The following GNAL variants were observed in gnomAD, a reference collection of about 807,000 sequenced individuals.
GNAL encodes G protein subunit alpha L.
GNAL carries 18 observed loss-of-function variants against 55.1 expected under a neutral mutation model. The ratio of observed to expected loss-of-function variants is 0.33; its 90% confidence interval spans 0.23 to 0.48. GNAL has a LOEUF of 0.48. Ranked by LOEUF, GNAL falls within the 20% of genes least tolerant of loss-of-function variation. GNAL has a pLI of 0.99. For missense variants in GNAL, 412 were observed against 614.1 expected (o/e 0.67, Z 3.48); for synonymous variants, 253 against 237.0 (o/e 1.07, Z -0.62).
chr18:11,854,749 C>G (rs1232926802), intron 5 of GNAL, among the ~76,000 whole-genome samples: 1 of 151,916 alleles, frequency 6.6e-6, no homozygotes, highest in Non-Finnish European at 1.5e-5. Context: ...CCATTGCACT[C>G]TAGCCTGCGC....
At position 11,830,505 on chromosome 18, in the gene GNAL, T is replaced by G. The variant is rs181907615; in HGVS notation, c.722+5490T>G. ...CCATGGCAGGAGTCATGGGAGTCTT[T>G]TGGGCTTCTCAGTGATGCTGAAATT... On this transcript the variant is annotated intron_variant, in intron 5 of 11. Transcript: ENST00000334049. Among the ~76,000 whole-genome samples, 315 of 152,218 alleles carry G rather than the reference T, an allele frequency of 2.1e-3. 1 individual carries two copies. The highest frequency in any genetic ancestry group is 7.4e-3 in the African/African-American group (306 of 41,522).
At chr18:11,759,501 G>A (rs2033169021) in intron 4 of GNAL, among the ~76,000 whole-genome samples, 1 of 152,238 alleles carries the variant, frequency 6.6e-6, no homozygotes, top group African/African-American at 2.4e-5. Context: ...CTTCCTCCCA[G>A]GTGAGAGCTA....
rs954717064 is a variant in GNAL at position 11,872,416 on chromosome 18, A to T, written c.1162+18A>T. 1 of 1,473,792 alleles carries T rather than the reference A, an allele frequency of 6.8e-7. No individual in the cohort carries two copies. Among genetic ancestry groups the T allele is most frequent in the East Asian group, 2.4e-5 (1 of 42,384 alleles). 91.3% of individuals were successfully genotyped at this position (1,473,792 alleles called of 1,614,324 possible). A position where few individuals can be genotyped will look rare whatever the true frequency, so the allele number is the denominator to read the frequency against. ...TGAAGACGGTAAGATTTCAAAACAC[A>T]TTCTTATGATTGAGGAATAGAATTG... is the stretch of plus-strand genomic sequence containing the variant. On this transcript the variant is annotated intron_variant, in intron 10 of 11. Transcript: ENST00000334049.
chr18:11,829,221 C>G (rs766686517), intron 5 of GNAL, among the ~76,000 whole-genome samples: 9 of 152,228 alleles, frequency 5.9e-5, no homozygotes, highest in African/African-American at 9.6e-5. Context: ...CTGGGCCTGA[C>G]AGAATTACAG....
intron 11 of GNAL, among the ~76,000 whole-genome samples, chr18:11,877,178 G>T (rs2036550859): frequency 6.6e-6 from 1 of 152,216 alleles, no homozygotes; most frequent in Non-Finnish European, 1.5e-5. Context: ...CTCAGGCCGG[G>T]TGCGGTGGCT....
At chr18:11,765,031 A>C (rs2033361492) in intron 4 of GNAL, among the ~76,000 whole-genome samples, 3 of 152,222 alleles carry the variant, frequency 2.0e-5, no homozygotes, top group African/African-American at 7.2e-5. Flanking sequence ...ATACCTGATG[A>C]AAAAACAATT....
intron 1 of GNAL, among the ~76,000 whole-genome samples, chr18:11,705,641 T>C (rs2143338613): frequency 6.6e-6 from 1 of 152,300 alleles, no homozygotes; most frequent in Admixed American, 6.5e-5. Flanking sequence ...TTTTTGATAA[T>C]GGCCATCCTA....
intron 1 of GNAL, among the ~76,000 whole-genome samples, chr18:11,731,545 T>C (rs958947532): frequency 6.6e-6 from 1 of 152,242 alleles, no homozygotes; most frequent in Non-Finnish European, 1.5e-5. Context: ...TAGTTTACGA[T>C]AGGTCGAATA....
chr18:11,868,763 A>C lies in GNAL; in HGVS notation c.1031+100A>C. 209 of 955,300 alleles carry C rather than the reference A, an allele frequency of 2.2e-4. No homozygotes were observed. Among genetic ancestry groups the C allele is most frequent in the Non-Finnish European group, 3.0e-4 (194 of 643,038 alleles). 59.2% of individuals were successfully genotyped at this position (955,300 alleles called of 1,614,324 possible). ...CGTTGTGGCTCACACCTGTAATCTC[A>C]ACACTGGGAGGCCGAGGCAGGTGTG... On this transcript the variant is annotated intron_variant, in intron 9 of 11. Transcript: ENST00000334049. This position sits in a 1 kb window ranked among gnomAD's most constrained non-coding sequence, Gnocchi z 4.0.
At chr18:11,826,872 C>T (rs1055642200) in intron 5 of GNAL, among the ~76,000 whole-genome samples, 1 of 152,140 alleles carries the variant, frequency 6.6e-6, no homozygotes, top group Non-Finnish European at 1.5e-5. Flanking sequence ...CCCAGTGTAC[C>T]GGTCATCAGC....
At chr18:11,819,070 G>A (rs1221965127) in intron 4 of GNAL, among the ~76,000 whole-genome samples, 2 of 152,212 alleles carry the variant, frequency 1.3e-5, no homozygotes, top group Non-Finnish European at 2.9e-5. Flanking sequence ...CAAGTGATGG[G>A]AAATAGCTCT....
intron 7 of GNAL, among the ~76,000 whole-genome samples, chr18:11,865,677 C>G (rs1336694444): frequency 2.0e-5 from 3 of 146,352 alleles, no homozygotes; most frequent in Non-Finnish European, 4.4e-5. Context: ...ATCTCTTAAG[C>G]CCAGGAATTC....
intron 1 of GNAL, among the ~76,000 whole-genome samples, chr18:11,721,626 G>A (rs1247182704): frequency 1.3e-5 from 2 of 152,028 alleles, no homozygotes; most frequent in Non-Finnish European, 2.9e-5. Context: ...CATGGTGGCA[G>A]GTACTTGTAA....
intron 5 of GNAL, among the ~76,000 whole-genome samples, chr18:11,855,539 A>T (rs2035986544): frequency 6.6e-6 from 1 of 152,274 alleles, no homozygotes; most frequent in Middle Eastern, 3.4e-3. Context: ...AACCCAGATG[A>T]TACTGTGTGT....
Position 11,884,740 on chromosome 18 carries a change from G to A in GNAL, c.*3605G>A. The A allele has an allele frequency of 7.4e-7, 1 of 1,347,962 alleles. No individual in the cohort carries two copies. Among genetic ancestry groups the A allele is most frequent in the Non-Finnish European group, 1.0e-6 (1 of 988,510 alleles). 83.5% of individuals were successfully genotyped at this position (1,347,962 alleles called of 1,614,324 possible). ...TCTCAGGTCCCCCTCAGGTGAGGCA[G>A]GGAACGGGCCCTCCTCACCTGAGAC... On this transcript the variant is annotated 3_prime_UTR_variant, in exon 12 of 12. Transcript: ENST00000334049.
At chr18:11,823,055 C>G (rs73407420) in intron 4 of GNAL, among the ~76,000 whole-genome samples, 9,696 of 152,180 alleles carry the variant, frequency 0.064, 463 homozygotes, top group African/African-American at 0.13. Flanking sequence ...GTGCCCAGAG[C>G]TGGCAACTGG....
Position 11,865,434 on chromosome 18 carries a change from A to C in GNAL, c.851+828A>C, listed in dbSNP as rs981088796. ...TGAGCCTCAGATGCCACCTGTGCTA[A>C]GCAAACCCCACAAATCTATCAAAGC... On this transcript the variant is annotated intron_variant, in intron 7 of 11. Coordinates refer to ENST00000334049, the MANE Select transcript of GNAL (RefSeq NM_182978.4). Among the ~76,000 whole-genome samples, 20 of 149,094 alleles carry C rather than the reference A, an allele frequency of 1.3e-4. 3 individuals carry two copies. Among genetic ancestry groups the C allele is most frequent in the African/African-American group, 5.2e-4 (20 of 38,624 alleles).
intron 5 of GNAL, among the ~76,000 whole-genome samples, chr18:11,829,243 C>G (rs989003717): frequency 6.6e-6 from 1 of 152,190 alleles, no homozygotes; most frequent in African/African-American, 2.4e-5. Context: ...AACTGGTTCC[C>G]CCTTGAGGCC....
chr18:11,870,806 A>G (rs2848464), intron 9 of GNAL, among the ~76,000 whole-genome samples: 41,221 of 152,140 alleles, frequency 0.27, 6,464 homozygotes, highest in African/African-American at 0.44. Flanking sequence ...AGTTTACCTT[A>G]TAAAAGTTTT....
Sources: gnomAD v4.1 joint callset for allele counts (sites outside exome capture counted in the v4.1 genomes callset) on GRCh38, gnomAD v4.1.1 for gene constraint, Gnocchi (gnomAD v3.1) non-coding constraint, MANE v1.5 for transcripts, NCBI Gene and HGNC (gene_info 2026-07-23, HGNC 2026-07-21) for gene names.